LACC1: variants seen among roughly 807,000 people sequenced by gnomAD.
LACC1 encodes laccase domain multifunctional purine nucleosidase 1, also known as purine nucleoside phosphorylase LACC1.
Under a neutral mutation model 34.8 loss-of-function variants are expected in LACC1, and 25 were observed. That is an observed-to-expected ratio of 0.72 (90% CI 0.52 to 1.00). The LOEUF is 1.00. Among genes scored for constraint, LACC1 ranks in the 50% least tolerant of loss-of-function variants. The pLI, the probability that LACC1 is intolerant of heterozygous loss-of-function variation, is 0.00. For missense variants in LACC1, 426 were observed against 511.2 expected, an observed-to-expected ratio of 0.83 and a Z score of 1.61; for synonymous variants, 162 against 168.0, an observed-to-expected ratio of 0.96 and a Z score of 0.28.
chr13:43,888,722 G>T, intron 4 of LACC1, 35 bp from the exon 5 acceptor site: 1 of 1,538,172 alleles, frequency 6.5e-7, no homozygotes, highest in South Asian at 1.1e-5. Flanking sequence ...TTTATGTTTT[G>T]ACTTCTCTTA....
At chr13:43,879,778 T>TGGGCGAGGTGAGGCGGGGC (rs1555394141), upstream of LACC1, 806 of 103,422 alleles carry the variant, frequency 7.8e-3, 14 homozygotes, top group African/African-American at 0.026. Flanking sequence ...GGGGGCGAGG[T>TGGGCGAGGTGAGGCGGGGC]GAGGCGGGGC....
At chr13:43,883,688 A>G in intron 3 of LACC1, 83 bp from the exon 4 acceptor site, 2 of 1,003,950 alleles carry the variant, frequency 2.0e-6, no homozygotes, top group South Asian at 2.7e-5. Flanking sequence ...ATAATTTTAT[A>G]CTACAATGAG....
At chr13:43,879,389 A>C (rs1356617530), upstream of LACC1, 1 of 152,418 alleles carries the variant, frequency 6.6e-6, no homozygotes. Context: ...CCCTTTCCGG[A>C]CTCGGCCTGC....
In LACC1 at chr13:43,883,939, A is replaced by G. The variant is rs1955195037; in HGVS notation, c.907+3A>G. 1 of 1,597,350 alleles carries G rather than the reference A, an allele frequency of 6.3e-7. No individual in the cohort carries two copies. The highest frequency in any genetic ancestry group is 8.5e-7 in the Non-Finnish European group (1 of 1,172,416). On this transcript the variant is annotated splice_donor_region_variant and intron_variant, in intron 4 of 6. Coordinates refer to ENST00000325686, the MANE Select transcript of LACC1 (RefSeq NM_153218.4). ...AGCATGTGGGGTTGCTCACGCTGGT[A>G]AGTATACTTAATTAAACATTTAGAA... is the stretch of plus-strand genomic sequence containing the variant.
At chr13:43,882,971 A>G (rs968358160) in intron 3 of LACC1, among the ~76,000 whole-genome samples, 3 of 152,060 alleles carry the variant, frequency 2.0e-5, no homozygotes, top group Non-Finnish European at 4.4e-5. Context: ...ACACACACAC[A>G]CACGTACTCA....
intron 5 of LACC1, 136 bp from the exon 6 acceptor site, chr13:43,889,978 G>A (rs982884247): frequency 3.7e-5 from 25 of 680,320 alleles, no homozygotes; most frequent in Middle Eastern, 4.2e-4. Context: ...TGTTCTGTAA[G>A]TGAATAACAA....
intron 5 of LACC1, among the ~76,000 whole-genome samples, chr13:43,889,636 T>C (rs1955482149): frequency 6.6e-6 from 1 of 152,210 alleles, no homozygotes; most frequent in African/African-American, 2.4e-5. Flanking sequence ...AAATGTGACT[T>C]TTAAAATCAA....
At chr13:43,887,691 A>G (rs1955392409) in intron 4 of LACC1, among the ~76,000 whole-genome samples, 1 of 152,176 alleles carries the variant, frequency 6.6e-6, no homozygotes, top group Admixed American at 6.6e-5. Context: ...ATAAATGCAG[A>G]GAAATTCTGT....
rs113209793 is a variant in LACC1 at position 43,882,548 on chromosome 13, C to A, written c.741+185C>A. On this transcript the variant is annotated intron_variant, in intron 3 of 6. Transcript: ENST00000325686. ...AAAGATAAGTTCTATTTTATACACA[C>A]ACACACACACGTGCAGATATATATA... Among the ~76,000 whole-genome samples, 73 of 126,508 alleles carry A rather than the reference C, an allele frequency of 5.8e-4. 1 individual carries two copies. The highest frequency in any genetic ancestry group is 1.8e-3 in the African/African-American group (63 of 34,068). The allele number at this position is 126,508 out of a possible 152,430, so 83.0% of individuals were successfully genotyped here.
chr13:43,882,057 A>G lies in LACC1; in HGVS notation c.563-128A>G, dbSNP rs142462800. On this transcript the variant is annotated intron_variant, in intron 2 of 6. Coordinates refer to ENST00000325686, the MANE Select transcript of LACC1 (RefSeq NM_153218.4). The stretch of plus-strand genomic sequence containing the variant: ...AGCAGAATGCCATAAGAACATATGG[A>G]GGTACAAAATGCCATAGAAATTAGA... 59 of 632,986 alleles carry G rather than the reference A, an allele frequency of 9.3e-5. No individual in the cohort carries two copies. The Middle Eastern group carries it at 2.5e-3, about 27-fold the overall frequency. The allele number at this position is 632,986 out of a possible 1,614,324, so 39.2% of individuals were successfully genotyped here.
At chr13:43,882,446 C>T (rs928284584) in intron 3 of LACC1, 83 bp downstream of exon 3, 28 of 989,906 alleles carry the variant, frequency 2.8e-5, no homozygotes, top group Non-Finnish European at 1.3e-5. Flanking sequence ...AGCTATTTAA[C>T]TTTTGTATCT....
At position 43,884,290 on chromosome 13, in the gene LACC1, G is replaced by A. The variant is rs568854768; in HGVS notation, c.907+354G>A. 3.3e-5 allele frequency among the ~76,000 whole-genome samples: 5 copies of A among 152,232 alleles called. No homozygotes were observed. In the East Asian group the frequency reaches 5.8e-4, roughly 18 times the overall value. ...TTAGCCCCTGAAATCCTTAATGACA[G>A]TAGCACCTCTAGTTACTGTAATAAC... On this transcript the variant is annotated intron_variant, in intron 4 of 6. Transcript: ENST00000325686.
At position 43,884,601 on chromosome 13, in the gene LACC1, G is replaced by T. The variant is rs533733523; in HGVS notation, c.907+665G>T. ...GAGAGCAAAGAAGTATTTTTAGAAG[G>T]TATATTGTGTTAAGGATATGGAATT... On this transcript the variant is annotated intron_variant, in intron 4 of 6. Coordinates refer to ENST00000325686, the MANE Select transcript of LACC1 (RefSeq NM_153218.4). Among the ~76,000 whole-genome samples, 5 of 152,278 alleles carry T rather than the reference G, an allele frequency of 3.3e-5. No individual in the cohort carries two copies. The South Asian group carries it at 1.0e-3, about 32-fold the overall frequency.
intron 5 of LACC1, among the ~76,000 whole-genome samples, chr13:43,889,678 A>G (rs542047866): frequency 6.6e-6 from 1 of 152,358 alleles, no homozygotes; most frequent in East Asian, 1.9e-4. Context: ...ATTTCATATC[A>G]TAAAGTGTTC....
In LACC1 at chr13:43,891,543, G is replaced by T; in HGVS notation, c.*96G>T. The T allele has an allele frequency of 1.1e-6, 1 of 928,512 alleles. No individual in the cohort carries two copies. Among genetic ancestry groups the T allele is most frequent in the Non-Finnish European group, 1.3e-6 (1 of 778,126 alleles). The allele number at this position is 928,512 out of a possible 1,614,324, so 57.5% of individuals were successfully genotyped here. On this transcript the variant is annotated 3_prime_UTR_variant, in exon 7 of 7. Transcript: ENST00000325686. ...CTGTTTGATTTACTTAAAACCAAAT[G>T]GATTACAATGGATAATTCATCTTTT...
chr13:43,890,393 A>T, intron 6 of LACC1, 119 bp downstream of exon 6: 1 of 809,470 alleles, frequency 1.2e-6, no homozygotes, highest in South Asian at 2.4e-5. Context: ...TAAAAAAAAA[A>T]AGTTAATTAT....
intron 4 of LACC1, among the ~76,000 whole-genome samples, chr13:43,886,103 C>A (rs936499870): frequency 7.9e-5 from 12 of 151,988 alleles, no homozygotes; most frequent in Non-Finnish European, 1.5e-4. Context: ...AGTCAAAAAA[C>A]AACAGATGTT....
intron 1 of LACC1, among the ~76,000 whole-genome samples, chr13:43,880,480 T>C (rs1022821761): frequency 3.3e-5 from 5 of 152,246 alleles, no homozygotes; most frequent in African/African-American, 1.2e-4. Context: ...GGGAACTCTA[T>C]TAGCCATCTC....
chr13:43,888,620 C>A, intron 4 of LACC1, 137 bp from the exon 5 acceptor site: 1 of 682,478 alleles, frequency 1.5e-6, no homozygotes, highest in Admixed American at 2.7e-5. Flanking sequence ...TTAAAAACCA[C>A]ATGATAATGT....
Sources: gnomAD v4.1 joint callset for allele counts (sites outside exome capture counted in the v4.1 genomes callset) on GRCh38, gnomAD v4.1.1 for gene constraint, MANE v1.5 for transcripts, NCBI Gene and HGNC (gene_info 2026-07-23, HGNC 2026-07-21) for gene names.